The following MROH9 variants were observed in gnomAD, a reference collection of about 807,000 sequenced individuals.
MROH9 encodes maestro heat like repeat family member 9, also known as maestro heat-like repeat-containing protein family member 9.
A neutral mutation model predicts 98.2 loss-of-function variants in MROH9; 92 were observed. The observed-to-expected ratio is 0.94, with a 90% CI of 0.79 to 1.11. The LOEUF is 1.11. MROH9 is among the 50% of genes most tolerant of loss of function. The probability of loss-of-function intolerance (pLI) is 0.00; values close to 1 mark genes in which losing one functional copy is unlikely to be tolerated. For missense variants in MROH9, 1,057 were observed against 1,014.8 expected (o/e 1.04, Z -0.57); for synonymous variants, 397 against 368.9 (o/e 1.08, Z -0.87).
At chr1:171,052,528 A>C (rs1208701884) in intron 20 of MROH9, among the ~76,000 whole-genome samples, 1 of 152,172 alleles carries the variant, frequency 6.6e-6, no homozygotes, top group Non-Finnish European at 1.5e-5. Flanking sequence ...CCAGGTATAG[A>C]GCGAAGAGAC....
chr1:171,021,161 A>G (rs1416735421), intron 17 of MROH9, among the ~76,000 whole-genome samples: 1 of 152,234 alleles, frequency 6.6e-6, no homozygotes, highest in Admixed American at 6.5e-5. Flanking sequence ...AAAAGAATCA[A>G]TATCATTAAA....
At chr1:171,063,589 AT>A (rs1557919883) in intron 21 of MROH9, among the ~76,000 whole-genome samples, 3 of 152,062 alleles carry the variant, frequency 2.0e-5, no homozygotes, top group Non-Finnish European at 4.4e-5. Context: ...GCTATTATAT[AT>A]TTTTTTAAAC....
rs1487446997 is a variant in MROH9 at position 170,961,976 on chromosome 1, G to A, written c.375G>A (p.Lys125=). Residue 125 remains lysine, a splice_region_variant and synonymous_variant, in exon 6 of 22, where the codon AAG becomes AAA. Transcript: ENST00000367759. ...ACCTCTACAAACTACAGATCTTAAA[G>A]GTAAAGAGGAAATAAGTAGTTTAAT... The part of the protein sequence containing the change: ...SKDLYKLQIL[K]EMLVWMSKDS... 1 of 1,491,580 alleles carries A rather than the reference G, an allele frequency of 6.7e-7. No individual in the cohort carries two copies. The highest frequency in any genetic ancestry group is 9.1e-7 in the Non-Finnish European group (1 of 1,098,738). The allele number at this position is 1,491,580 out of a possible 1,614,324, so 92.4% of individuals were successfully genotyped here.
chr1:171,064,384 T>A lies in MROH9; in HGVS notation c.*44T>A. On this transcript the variant is annotated 3_prime_UTR_variant, in exon 22 of 22. Transcript: ENST00000367759. Reference sequence around the variant, plus strand: ...TTCATCATTCATAAACAATGGGAAGTCCAACAATGTCTTGGAGCTGACCTT... The same window carrying A: ...TTCATCATTCATAAACAATGGGAAGACCAACAATGTCTTGGAGCTGACCTT... 6.8e-7 allele frequency: 1 copy of A among 1,479,740 alleles called. No individual in the cohort carries two copies. The highest frequency in any genetic ancestry group is 1.4e-5 in the South Asian group (1 of 71,710). 91.7% of individuals were successfully genotyped at this position (1,479,740 alleles called of 1,614,324 possible).
At chr1:171,022,550 A>G (rs1260474971) in intron 17 of MROH9, among the ~76,000 whole-genome samples, 1 of 152,168 alleles carries the variant, frequency 6.6e-6, no homozygotes, top group Non-Finnish European at 1.5e-5. Context: ...TTGAACAATG[A>G]AAACACATGG....
At chr1:170,944,282 A>G (rs1196804710) in intron 1 of MROH9, among the ~76,000 whole-genome samples, 5 of 151,980 alleles carry the variant, frequency 3.3e-5, no homozygotes, top group Admixed American at 3.3e-4. Flanking sequence ...CATCATCACA[A>G]CAGGAATATA....
At chr1:170,983,823 A>G (rs1379707769) in intron 9 of MROH9, among the ~76,000 whole-genome samples, 1 of 152,218 alleles carries the variant, frequency 6.6e-6, no homozygotes, top group Non-Finnish European at 1.5e-5. Flanking sequence ...TGGCCAACAA[A>G]TAGTTCACTA....
intron 15 of MROH9, among the ~76,000 whole-genome samples, chr1:171,008,821 G>A (rs1652049775): frequency 1.3e-5 from 2 of 152,130 alleles, no homozygotes; most frequent in African/African-American, 4.8e-5. Context: ...TAACTTCCAG[G>A]AGATGTTGTT....
At chr1:170,969,702 T>C (rs2101901345) in intron 7 of MROH9, among the ~76,000 whole-genome samples, 1 of 152,276 alleles carries the variant, frequency 6.6e-6, no homozygotes, top group East Asian at 1.9e-4. Flanking sequence ...AGGCCAGATC[T>C]ACAAAGAAAG....
chr1:170,994,924 A>ACGCCTG (rs1425423441), intron 12 of MROH9, among the ~76,000 whole-genome samples: 10 of 146,684 alleles, frequency 6.8e-5, no homozygotes, highest in Admixed American at 1.4e-4. Flanking sequence ...GCCCAGACCC[A>ACGCCTG]TATTTCTGAT....
chr1:171,029,000 A>AT lies in MROH9; in HGVS notation c.2281+3587dup, dbSNP rs1174156830. 3.3e-5 allele frequency among the ~76,000 whole-genome samples: 5 copies of AT among 152,030 alleles called. No individual in the cohort carries two copies. In the South Asian group the frequency reaches 8.3e-4, roughly 25 times the overall value. ...CTCCCTTCCTGTTTGAATACTCTTT[A>AT]TTTTTTTCTCTTGCCTGATTGCCCT... On this transcript the variant is annotated intron_variant, in intron 20 of 21. Transcript: ENST00000367759.
intron 3 of MROH9, among the ~76,000 whole-genome samples, chr1:170,954,898 T>G (rs1649700467): frequency 6.6e-6 from 1 of 152,062 alleles, no homozygotes; most frequent in Admixed American, 6.6e-5. Flanking sequence ...TTTGTGAGAC[T>G]TTGGTGCACC....
intron 7 of MROH9, among the ~76,000 whole-genome samples, chr1:170,969,901 T>C (rs1376626758): frequency 6.6e-6 from 1 of 152,172 alleles, no homozygotes; most frequent in African/African-American, 2.4e-5. Flanking sequence ...TAACTGTGGT[T>C]GTCACGCTTC....
At chr1:171,013,908 CACACACAG>C (rs1421724381) in intron 15 of MROH9, among the ~76,000 whole-genome samples, 258 of 146,742 alleles carry the variant, frequency 1.8e-3, no homozygotes, top group African/African-American at 6.4e-3. Flanking sequence ...CACACACACA[CACACACAG>C]ACAGACAAAA....
chr1:171,054,556 C>T (rs1049913280), intron 20 of MROH9, among the ~76,000 whole-genome samples: 1 of 152,082 alleles, frequency 6.6e-6, no homozygotes, highest in African/African-American at 2.4e-5. Flanking sequence ...AGCTTCTGCA[C>T]AGCAAAAGAA....
At chr1:170,975,110 G>T (rs976206911) in intron 8 of MROH9, among the ~76,000 whole-genome samples, 2 of 151,762 alleles carry the variant, frequency 1.3e-5, no homozygotes, top group African/African-American at 4.8e-5. Flanking sequence ...AAATAATCAA[G>T]ACAAATTTTT....
At chr1:171,025,901 A>T (rs910531316) in intron 20 of MROH9, among the ~76,000 whole-genome samples, 1 of 152,176 alleles carries the variant, frequency 6.6e-6, no homozygotes, top group African/African-American at 2.4e-5. Flanking sequence ...TTTATATCAG[A>T]CAAACCTGAC....
intron 3 of MROH9, among the ~76,000 whole-genome samples, chr1:170,952,350 C>A (rs1162222940): frequency 2.0e-5 from 3 of 152,080 alleles, no homozygotes; most frequent in African/African-American, 4.8e-5. Flanking sequence ...GGAACCAAAC[C>A]AAATGTCCAT....
rs554339967 is a variant in MROH9 at position 170,940,176 on chromosome 1, T to C, written c.-38+4589T>C. On this transcript the variant is annotated intron_variant, in intron 1 of 21. Coordinates refer to ENST00000367759, the MANE Select transcript of MROH9 (RefSeq NM_001163629.2). ...TTTTTTGGCTTTAGGAGGTACCAGATGCAACAAGTTACCTTTAACCTTAGA... is the reference window on the plus strand; with the variant it reads ...TTTTTTGGCTTTAGGAGGTACCAGACGCAACAAGTTACCTTTAACCTTAGA... 2.6e-5 allele frequency among the ~76,000 whole-genome samples: 4 copies of C among 152,312 alleles called. No homozygotes were observed. In the East Asian group the frequency reaches 7.7e-4, roughly 29 times the overall value.
Sources: allele counts gnomAD v4.1 joint callset (sites outside exome capture counted in the v4.1 genomes callset), GRCh38; gene constraint gnomAD v4.1.1; transcripts MANE v1.5; gene names NCBI Gene and HGNC (gene_info 2026-07-23, HGNC 2026-07-21).